GARS1: variants seen among roughly 807,000 people sequenced by gnomAD.
The protein encoded by GARS1 is glycyl-tRNA synthetase 1, also known as glycine--tRNA ligase.
A neutral mutation model predicts 86.4 loss-of-function variants in GARS1; 46 were observed. That is an observed-to-expected ratio of 0.53 (90% CI 0.42 to 0.68). GARS1 has a LOEUF of 0.68. GARS1 is among the 30% of genes least tolerant of loss of function. The pLI, the probability that GARS1 is intolerant of heterozygous loss-of-function variation, is 0.00. For synonymous variants in GARS1, 342 were observed against 329.8 expected (o/e 1.04, Z -0.40); for missense variants, 797 against 915.6 (o/e 0.87, Z 1.67).
In GARS1 at chr7:30,608,631, TG is replaced by T. The variant is rs972983575; in HGVS notation, c.736-952del. ...CCTTTTTATGGAGTGGAAATACCAT[TG>T]GATTTATGAGGGTAGCAAATATAAT... is the stretch of plus-strand genomic sequence containing the variant. On this transcript the variant is annotated intron_variant, in intron 6 of 16. Transcript: ENST00000389266. 2.6e-4 allele frequency among the ~76,000 whole-genome samples: 40 copies of T among 152,322 alleles called. 1 individual carries two copies. Among genetic ancestry groups the T allele is most frequent in the African/African-American group, 9.4e-4 (39 of 41,572 alleles).
intron 13 of GARS1, among the ~76,000 whole-genome samples, chr7:30,627,727 T>C (rs1029516997): frequency 3.9e-5 from 6 of 152,234 alleles, no homozygotes; most frequent in Non-Finnish European, 1.5e-5. Flanking sequence ...ACCTTGGTGA[T>C]ACAATGCCAG....
chr7:30,617,656 T>G (rs1782917113), intron 10 of GARS1, among the ~76,000 whole-genome samples: 1 of 152,206 alleles, frequency 6.6e-6, no homozygotes, highest in African/African-American at 2.4e-5. Context: ...AAAGTCATAG[T>G]GCTCTTAGCT....
chr7:30,604,090 A>G (rs1044015281), intron 6 of GARS1, among the ~76,000 whole-genome samples: 1 of 152,168 alleles, frequency 6.6e-6, no homozygotes, highest in Non-Finnish European at 1.5e-5. Flanking sequence ...AATTTTAGAG[A>G]AGACAAAAAA....
chr7:30,617,188 T>A lies in GARS1; in HGVS notation c.1269T>A (p.Ser423=). The stretch of plus-strand genomic sequence containing the variant: ...TCTACCTCACGAAGGTTGGAATATC[T>A]CCAGATAAACTCCGCTTCCGGCAGC... ...IYLYLTKVGI[S]PDKLRFRQHM... Residue 423 remains serine, a synonymous_variant, in exon 10 of 17, where the codon TCT becomes TCA. Transcript: ENST00000389266. The A allele has an allele frequency of 6.2e-7, 1 of 1,614,048 alleles. No individual in the cohort carries two copies. The highest frequency in any genetic ancestry group is 1.3e-5 in the African/African-American group (1 of 75,042).
chr7:30,617,189 C>G lies in GARS1; in HGVS notation c.1270C>G (p.Pro424Ala). Residue 424 changes from proline (P) to alanine (A), a missense_variant, in exon 10 of 17, where the codon CCA (proline) becomes GCA (alanine). Pro to Ala is a conservative substitution (Grantham distance 27). Coordinates refer to ENST00000389266, the MANE Select transcript of GARS1 (RefSeq NM_002047.4). The part of the protein sequence containing the change: ...YLYLTKVGIS[P>A]DKLRFRQHME... ...CTACCTCACGAAGGTTGGAATATCT[C>G]CAGATAAACTCCGCTTCCGGCAGCA... 6.2e-7 allele frequency: 1 copy of G among 1,614,028 alleles called. No homozygotes were observed. Among genetic ancestry groups the G allele is most frequent in the Non-Finnish European group, 8.5e-7 (1 of 1,179,910 alleles).
At chr7:30,604,381 CA>C (rs893169213) in intron 6 of GARS1, among the ~76,000 whole-genome samples, 6 of 151,970 alleles carry the variant, frequency 3.9e-5, no homozygotes, top group African/African-American at 1.4e-4. Flanking sequence ...CTTCCTTGGG[CA>C]AAAAACAAAA....
chr7:30,619,656 T>C (rs921961529), intron 10 of GARS1, among the ~76,000 whole-genome samples: 6 of 152,152 alleles, frequency 3.9e-5, no homozygotes, highest in African/African-American at 1.4e-4. Flanking sequence ...TTTAATTCCT[T>C]TTGTTGTTGT....
intron 9 of GARS1, among the ~76,000 whole-genome samples, chr7:30,616,673 A>C (rs1782896263): frequency 6.6e-6 from 1 of 152,236 alleles, no homozygotes; most frequent in Non-Finnish European, 1.5e-5. Context: ...CCTTGCAAAC[A>C]CTAAAATGAT....
At chr7:30,608,284 G>C (rs71530517) in intron 6 of GARS1, among the ~76,000 whole-genome samples, 1 of 152,162 alleles carries the variant, frequency 6.6e-6, no homozygotes, top group Non-Finnish European at 1.5e-5. Flanking sequence ...CTTTCTATCT[G>C]TATTGGCAGA....
intron 12 of GARS1, among the ~76,000 whole-genome samples, chr7:30,624,950 CTT>C (rs546589054): frequency 6.7e-5 from 10 of 149,170 alleles, no homozygotes; most frequent in South Asian, 2.1e-4. Context: ...AATTACAACT[CTT>C]TTTTTTTTGA....
intron 10 of GARS1, among the ~76,000 whole-genome samples, chr7:30,617,510 G>T (rs894352900): frequency 4.6e-5 from 7 of 152,210 alleles, no homozygotes; most frequent in Non-Finnish European, 5.9e-5. Flanking sequence ...ATGGGACAGT[G>T]CGGATGTGTA....
chr7:30,622,028 C>T (rs1783019212), intron 11 of GARS1: 1 of 435,498 alleles, frequency 2.3e-6, no homozygotes, highest in African/African-American at 2.0e-5. Flanking sequence ...TTTAGAAATA[C>T]TTATCAGAAG....
At chr7:30,594,863 C>G (rs886062271), upstream of GARS1, 2 of 1,406,766 alleles carry the variant, frequency 1.4e-6, no homozygotes, top group Non-Finnish European at 1.9e-6. Flanking sequence ...TGCTCCGAGC[C>G]GGGCGGCGCG....
chr7:30,621,581 T>C (rs767597199), intron 11 of GARS1, 81 bp downstream of exon 11: 4 of 995,562 alleles, frequency 4.0e-6, no homozygotes, highest in Non-Finnish European at 6.5e-6. Flanking sequence ...CTTTACCTTG[T>C]TCTATGGATA....
At chr7:30,597,585 T>C (rs1791280022) in intron 1 of GARS1, among the ~76,000 whole-genome samples, 1 of 152,286 alleles carries the variant, frequency 6.6e-6, no homozygotes, top group Non-Finnish European at 1.5e-5. Context: ...AAACTCAAAA[T>C]TTAAAAACCC....
At chr7:30,597,763 C>T (rs1007530644) in intron 1 of GARS1, among the ~76,000 whole-genome samples, 1 of 152,312 alleles carries the variant, frequency 6.6e-6, no homozygotes, top group South Asian at 2.1e-4. Context: ...CAAAAACAAT[C>T]ACACAGTGTG....
chr7:30,597,933 C>T (rs921087941), intron 1 of GARS1, among the ~76,000 whole-genome samples: 1 of 152,088 alleles, frequency 6.6e-6, no homozygotes, highest in African/African-American at 2.4e-5. Context: ...CCTATTCCAC[C>T]ATATTACTAT....
At chr7:30,596,921 G>C (rs1450351071) in intron 1 of GARS1, among the ~76,000 whole-genome samples, 43 of 152,136 alleles carry the variant, frequency 2.8e-4, no homozygotes, top group Non-Finnish European at 4.4e-5. Flanking sequence ...AAACCTTTCC[G>C]GAGTGGGATT....
At chr7:30,631,592 G>C (rs1380740468) in intron 15 of GARS1, 51 bp downstream of exon 15, 1 of 1,116,144 alleles carries the variant, frequency 9.0e-7, no homozygotes, top group Non-Finnish European at 1.4e-6. Context: ...CAAGGAGACT[G>C]AATTTTAGGA....
Sources: gnomAD v4.1 joint callset for allele counts (sites outside exome capture counted in the v4.1 genomes callset) on GRCh38, gnomAD v4.1.1 for gene constraint, MANE v1.5 for transcripts, NCBI Gene and HGNC (gene_info 2026-07-23, HGNC 2026-07-21) for gene names.